Variants in WWP2 observed in about 807,000 individuals in gnomAD.
WWP2 encodes the protein NEDD4-like E3 ubiquitin-protein ligase WWP2.
In WWP2, 57 loss-of-function variants were observed where a neutral mutation model predicts 121.0. The ratio of observed to expected loss-of-function variants is 0.47; its 90% CI spans 0.38 to 0.59. The LOEUF (loss-of-function observed/expected upper bound fraction) is 0.59. WWP2 is among the 20% of genes least tolerant of loss of function. The pLI is 0.00. For synonymous variants in WWP2, 449 were observed against 441.3 expected (o/e 1.02, Z -0.22); for missense variants, 962 against 1,158.9 (o/e 0.83, Z 2.47).
chr16:69,909,507 C>T (rs1302531359), intron 9 of WWP2: 1 of 985,446 alleles, frequency 1.0e-6, no homozygotes, highest in Non-Finnish European at 1.2e-6. Flanking sequence ...CACATCCCAC[C>T]TCATCTTCTG....
intron 4 of WWP2, among the ~76,000 whole-genome samples, chr16:69,825,424 C>CAA (rs34284992): frequency 4.7e-4 from 62 of 131,734 alleles, no homozygotes; most frequent in Non-Finnish European, 7.3e-4. Context: ...ATTCCATCTC[C>CAA]AAAAAAAAAA....
chr16:69,926,794 G>A (rs1376649158), intron 11 of WWP2, among the ~76,000 whole-genome samples: 1 of 152,166 alleles, frequency 6.6e-6, no homozygotes, highest in East Asian at 1.9e-4. Context: ...ACTCCAATGC[G>A]AGAGAGTAAA....
chr16:69,916,852 G>A (rs1287163811), intron 9 of WWP2, among the ~76,000 whole-genome samples: 1 of 152,036 alleles, frequency 6.6e-6, no homozygotes, highest in Non-Finnish European at 1.5e-5. Flanking sequence ...CATTTTTAGG[G>A]AGGCCTTGAG....
intron 1 of WWP2, among the ~76,000 whole-genome samples, chr16:69,765,694 C>T (rs1239809976): frequency 6.6e-6 from 1 of 152,140 alleles, no homozygotes. Context: ...CTTGTTGGCA[C>T]ATGTGTCTAA....
chr16:69,874,504 G>A (rs752896102), intron 7 of WWP2, among the ~76,000 whole-genome samples: 2 of 152,140 alleles, frequency 1.3e-5, no homozygotes, highest in African/African-American at 4.8e-5. Context: ...AGGCCAAACC[G>A]GAGCTGGGTT....
intron 8 of WWP2, among the ~76,000 whole-genome samples, chr16:69,891,355 G>T (rs960910271): frequency 2.0e-5 from 3 of 152,170 alleles, no homozygotes; most frequent in Non-Finnish European, 4.4e-5. Context: ...CCAACAAAGG[G>T]TGTGTTGTGG....
At chr16:69,933,856 T>TGGGACACGTGTCTCAGGTTAGTATG in intron 16 of WWP2, 114 bp from the exon 17 acceptor site, 1 of 1,271,368 alleles carries the variant, frequency 7.9e-7, no homozygotes, top group Non-Finnish European at 1.1e-6. Flanking sequence ...CTCGACTCCC[T>TGGGACACGTGTCTCAGGTTAGTATG]GGGACACGTG....
chr16:69,890,908 G>A (rs1201329912), intron 8 of WWP2: 1 of 152,164 alleles, frequency 6.6e-6, no homozygotes, highest in Admixed American at 6.6e-5. Flanking sequence ...CTTTTCCTTG[G>A]GGCATTTAGA....
chr16:69,888,369 T>TA, intron 8 of WWP2, 120 bp downstream of exon 8: 12 of 1,077,100 alleles, frequency 1.1e-5, no homozygotes, highest in Non-Finnish European at 1.6e-5. Context: ...GGGAGGCTGC[T>TA]GTGCATTGAA....
chr16:69,910,573 C>A (rs1567425277), intron 9 of WWP2, among the ~76,000 whole-genome samples: 1 of 152,164 alleles, frequency 6.6e-6, no homozygotes, highest in African/African-American at 2.4e-5. Context: ...CTATGCCCAA[C>A]TAATTTTTTG....
intron 7 of WWP2, among the ~76,000 whole-genome samples, chr16:69,879,398 C>T (rs764765702): frequency 1.2e-4 from 18 of 152,072 alleles, no homozygotes; most frequent in African/African-American, 2.7e-4. Flanking sequence ...GACCGGCCCC[C>T]GCCCACAGCC....
rs1159786933 is a variant in WWP2 at position 69,919,445 on chromosome 16, G to A, written c.1179+1562G>A. On this transcript the variant is annotated intron_variant, in intron 10 of 23. Coordinates refer to ENST00000359154, the MANE Select transcript of WWP2 (RefSeq NM_001270454.2). ...GCCTCCCAAAGTGCTGGGATTGCAG[G>A]TGTGAACCACCATGCCTGGCCCACA... Among the ~76,000 whole-genome samples the A allele has an allele frequency of 2.6e-5, 4 of 152,336 alleles. No individual in the cohort carries two copies. The South Asian group carries it at 8.3e-4, about 32-fold the overall frequency.
rs1244003462 is a variant in WWP2, at chr16:69,940,770, G to C, written c.*830G>C. ...TTTCCCAAACAGCCACGCCTCTCAGGAACCCACCTGGCGGTTCCGTGAGCT... is the reference window on the plus strand; with the variant it reads ...TTTCCCAAACAGCCACGCCTCTCAGCAACCCACCTGGCGGTTCCGTGAGCT... On this transcript the variant is annotated 3_prime_UTR_variant, in exon 24 of 24. Coordinates refer to ENST00000359154, the MANE Select transcript of WWP2 (RefSeq NM_001270454.2). 1.3e-5 allele frequency: 2 copies of C among 153,128 alleles called. No homozygotes were observed. Among genetic ancestry groups the C allele is most frequent in the African/African-American group, 4.8e-5 (2 of 41,452 alleles). 9.5% of individuals were successfully genotyped at this position (153,128 alleles called of 1,614,324 possible).
At chr16:69,912,027 C>A (rs377456249) in intron 9 of WWP2, among the ~76,000 whole-genome samples, 1 of 152,060 alleles carries the variant, frequency 6.6e-6, no homozygotes, top group African/African-American at 2.4e-5. Context: ...CGGTTGCTCA[C>A]GCCTGTAATC....
chr16:69,786,517 C>A (rs1470731411), intron 1 of WWP2, among the ~76,000 whole-genome samples: 1 of 134,930 alleles, frequency 7.4e-6, no homozygotes, highest in East Asian at 2.3e-4. Flanking sequence ...AATGGCCGAT[C>A]TTGGCTCACT....
At chr16:69,808,404 AT>A (rs1410698307) in intron 4 of WWP2, among the ~76,000 whole-genome samples, 3 of 149,848 alleles carry the variant, frequency 2.0e-5, no homozygotes, top group Admixed American at 1.3e-4. Flanking sequence ...TTTTATTTTT[AT>A]TTTTATTTTT....
At chr16:69,893,446 A>G (rs2058061085) in intron 8 of WWP2, among the ~76,000 whole-genome samples, 1 of 152,200 alleles carries the variant, frequency 6.6e-6, no homozygotes, top group South Asian at 2.1e-4. Flanking sequence ...TATGACAGCA[A>G]TATTGCATTT....
chr16:69,774,283 G>T (rs1259944551), intron 1 of WWP2, among the ~76,000 whole-genome samples: 7 of 151,678 alleles, frequency 4.6e-5, no homozygotes, highest in Non-Finnish European at 1.0e-4. Flanking sequence ...TTGAGACAGG[G>T]TCTTGCTCTG....
chr16:69,871,810 C>G lies in WWP2; in HGVS notation c.582C>G (p.His194Gln). 1.9e-6 allele frequency: 3 copies of G among 1,614,130 alleles called. No individual in the cohort carries two copies. The highest frequency in any genetic ancestry group is 2.5e-6 in the Non-Finnish European group (3 of 1,180,024). Reference protein sequence around the residue: ...TNCFGGRSRTHRHSGASARTT... With the variant: ...TNCFGGRSRTQRHSGASARTT... ...TTCTACTTTGAACCCCCAGGACGCACAGACATTCGGGTGCTTCAGCCAGAA... is the reference window on the plus strand; with the variant it reads ...TTCTACTTTGAACCCCCAGGACGCAGAGACATTCGGGTGCTTCAGCCAGAA... The change falls in exon 7 of 24, where the codon CAC (histidine) becomes CAG (glutamine). Residue 194 changes from histidine (H) to glutamine (Q), a missense_variant. Transcript: ENST00000359154.
Sources: gnomAD v4.1 joint callset for allele counts (sites outside exome capture counted in the v4.1 genomes callset) on GRCh38, gnomAD v4.1.1 for gene constraint, MANE v1.5 for transcripts, NCBI Gene and HGNC (gene_info 2026-07-23, HGNC 2026-07-21) for gene names.